Variants in ROBO2 observed in about 807,000 individuals in gnomAD.
ROBO2 encodes roundabout guidance receptor 2.
ROBO2 carries 53 observed loss-of-function variants against 160.8 expected under a neutral mutation model. The ratio of observed to expected loss-of-function variants is 0.33; its 90% CI spans 0.26 to 0.41. The LOEUF is 0.41. Ranked by LOEUF, ROBO2 falls within the 10% of genes least tolerant of loss-of-function variation. ROBO2 has a pLI of 1.00. For synonymous variants in ROBO2, 664 were observed against 611.7 expected, an observed-to-expected ratio of 1.09 and a Z score of -1.26; for missense variants, 1,577 against 1,722.4, an observed-to-expected ratio of 0.92 and a Z score of 1.49.
intron 2 of ROBO2, among the ~76,000 whole-genome samples, chr3:76,994,410 G>T (rs1202039013): frequency 6.6e-6 from 1 of 152,208 alleles, no homozygotes; most frequent in Non-Finnish European, 1.5e-5. Flanking sequence ...GGGAAAGTTG[G>T]AAACTGCTTT....
intron 16 of ROBO2, among the ~76,000 whole-genome samples, chr3:77,581,453 C>T (rs1338227534): frequency 6.6e-6 from 1 of 152,010 alleles, no homozygotes; most frequent in Non-Finnish European, 1.5e-5. Context: ...GTCTATAATT[C>T]ATCTGATGGT....
intron 2 of ROBO2, among the ~76,000 whole-genome samples, chr3:76,870,571 A>G (rs1261323298): frequency 2.6e-5 from 4 of 152,194 alleles, no homozygotes; most frequent in African/African-American, 7.2e-5. Context: ...GTTTCTCACT[A>G]GACTATGAAC....
chr3:77,206,099 G>T (rs939360281), intron 2 of ROBO2, among the ~76,000 whole-genome samples: 1 of 152,016 alleles, frequency 6.6e-6, no homozygotes, highest in African/African-American at 2.4e-5. Flanking sequence ...CTCTTCACAT[G>T]CTGTCTTCGC....
intron 2 of ROBO2, among the ~76,000 whole-genome samples, chr3:77,103,291 C>A (rs933049094): frequency 6.6e-6 from 1 of 152,156 alleles, no homozygotes; most frequent in Non-Finnish European, 1.5e-5. Flanking sequence ...ATTATTTTTT[C>A]CGTTTCCTTT....
chr3:77,355,318 G>T (rs1405951311), intron 2 of ROBO2, among the ~76,000 whole-genome samples: 2 of 152,152 alleles, frequency 1.3e-5, no homozygotes, highest in South Asian at 4.1e-4. Context: ...CATACAATCT[G>T]TAGCCCTCTG....
At chr3:77,192,088 G>A (rs754979513) in intron 2 of ROBO2, among the ~76,000 whole-genome samples, 143 of 152,120 alleles carry the variant, frequency 9.4e-4, no homozygotes, top group Non-Finnish European at 1.5e-3. Context: ...ATTATTTAGC[G>A]AAGTTGGATA....
chr3:76,578,224 C>A (rs909920310), intron 2 of ROBO2, among the ~76,000 whole-genome samples: 2 of 152,114 alleles, frequency 1.3e-5, no homozygotes, highest in Non-Finnish European at 2.9e-5. Flanking sequence ...TGGGACAATG[C>A]CTGGCACACT....
chr3:77,524,814 C>T (rs1323762823), intron 6 of ROBO2, among the ~76,000 whole-genome samples: 5 of 150,876 alleles, frequency 3.3e-5, no homozygotes, highest in African/African-American at 9.7e-5. Flanking sequence ...ATCAGCAAAC[C>T]TTAAATAGCC....
At chr3:76,095,563 C>T (rs1477544145) in intron 2 of ROBO2, among the ~76,000 whole-genome samples, 2 of 151,982 alleles carry the variant, frequency 1.3e-5, no homozygotes, top group African/African-American at 2.4e-5. Flanking sequence ...CCATGGTTGT[C>T]TATATATGAA....
chr3:76,893,917 TATG>T (rs1208567666), intron 2 of ROBO2, among the ~76,000 whole-genome samples: 2 of 152,132 alleles, frequency 1.3e-5, no homozygotes, highest in African/African-American at 4.8e-5. Context: ...AGTGAGAACA[TATG>T]ATATTTGTCT....
intron 2 of ROBO2, among the ~76,000 whole-genome samples, chr3:77,223,823 G>A (rs578237014): frequency 5.6e-4 from 85 of 151,888 alleles, no homozygotes; most frequent in Non-Finnish European, 9.9e-4. Flanking sequence ...TTCTGGTTTG[G>A]ATTGTTTATT....
At chr3:76,106,259 A>G (rs1315925694) in intron 2 of ROBO2, among the ~76,000 whole-genome samples, 1 of 152,130 alleles carries the variant, frequency 6.6e-6, no homozygotes, top group African/African-American at 2.4e-5. Context: ...AGAGTGAAGC[A>G]TGTTTTTTAC....
At chr3:77,251,771 C>A (rs2090377652) in intron 2 of ROBO2, among the ~76,000 whole-genome samples, 1 of 152,084 alleles carries the variant, frequency 6.6e-6, no homozygotes, top group Admixed American at 6.5e-5. Flanking sequence ...CAAGGGGTTT[C>A]CACTTTCACT....
chr3:76,087,734 G>A (rs1024703354), intron 2 of ROBO2, among the ~76,000 whole-genome samples: 5 of 151,942 alleles, frequency 3.3e-5, no homozygotes, highest in African/African-American at 1.2e-4. Flanking sequence ...AATAAAATGA[G>A]TGACACTAAT....
At chr3:77,540,335 T>C (rs1044576382) in intron 6 of ROBO2, among the ~76,000 whole-genome samples, 1 of 152,204 alleles carries the variant, frequency 6.6e-6, no homozygotes, top group Non-Finnish European at 1.5e-5. Flanking sequence ...GTATTAGATA[T>C]GACAAATTTT....
At chr3:76,573,288 A>T (rs1397280817) in intron 2 of ROBO2, among the ~76,000 whole-genome samples, 2 of 152,114 alleles carry the variant, frequency 1.3e-5, no homozygotes, top group Admixed American at 1.3e-4. Flanking sequence ...ATAGCTACAT[A>T]ACAGAGTGGT....
intron 1 of ROBO2, among the ~76,000 whole-genome samples, chr3:75,918,392 T>C (rs1051621797): frequency 6.6e-6 from 1 of 152,162 alleles, no homozygotes; most frequent in African/African-American, 2.4e-5. Flanking sequence ...CATTGGTCTA[T>C]ATATCTGTTT....
chr3:77,540,444 C>A (rs2092406024), intron 6 of ROBO2, among the ~76,000 whole-genome samples: 1 of 151,366 alleles, frequency 6.6e-6, no homozygotes, highest in Non-Finnish European at 1.5e-5. Flanking sequence ...GAAGTCAAAC[C>A]TGTCCTCCAA....
In ROBO2 at chr3:77,056,847, A is replaced by G. The variant is rs115117071; in HGVS notation, c.61+16001A>G. Among the ~76,000 whole-genome samples, 970 of 152,324 alleles carry G rather than the reference A, an allele frequency of 6.4e-3. 7 individuals are homozygous for G. Among genetic ancestry groups the G allele is most frequent in the African/African-American group, 0.016 (667 of 41,584 alleles). ...TATACACATATACACAGATGAATAT[A>G]TACATGTCACACATATACAAACATA... On this transcript the variant is annotated intron_variant, in intron 1 of 25. Coordinates refer to ENST00000461745, the Ensembl canonical transcript of ROBO2.
Sources: allele counts gnomAD v4.1 joint callset (sites outside exome capture counted in the v4.1 genomes callset), GRCh38; gene constraint gnomAD v4.1.1; transcripts MANE v1.5; gene names NCBI Gene and HGNC (gene_info 2026-07-23, HGNC 2026-07-21).